Variants in CMSS1 observed in about 807,000 individuals in gnomAD.
The protein encoded by CMSS1 is cms1 ribosomal small subunit homolog, also known as protein CMSS1.
CMSS1 carries 33 observed loss-of-function variants against 43.5 expected under a neutral mutation model. The observed-to-expected ratio is 0.76, with a 90% CI of 0.57 to 1.01. The LOEUF (loss-of-function observed/expected upper bound fraction) is 1.01. CMSS1 is among the 50% of genes least tolerant of loss of function. CMSS1 has a pLI of 0.00. For missense variants in CMSS1, 313 were observed against 326.4 expected (o/e 0.96, Z 0.32); for synonymous variants, 115 against 117.2 (o/e 0.98, Z 0.12).
intron 1 of CMSS1, among the ~76,000 whole-genome samples, chr3:99,958,211 T>TTATTATTATTA (rs1352712948): frequency 7.7e-6 from 1 of 129,774 alleles, no homozygotes; most frequent in Non-Finnish European, 1.7e-5. Flanking sequence ...TGCATTATTA[T>TTATTATTATTA]TATTATTATT....
chr3:100,132,629 C>T (rs2066717796), intron 1 of CMSS1, among the ~76,000 whole-genome samples: 1 of 151,850 alleles, frequency 6.6e-6, no homozygotes, highest in Admixed American at 6.6e-5. Context: ...ACCATCCTGG[C>T]TAACATGGTG....
At chr3:99,971,333 C>A (rs76587792) in intron 1 of CMSS1, among the ~76,000 whole-genome samples, 466 of 121,272 alleles carry the variant, frequency 3.8e-3, no homozygotes, top group Middle Eastern at 8.5e-3. Context: ...GAGCCCATCT[C>A]AAAAAAAAAA....
intron 1 of CMSS1, among the ~76,000 whole-genome samples, chr3:100,117,869 A>ATATATG (rs2066588761): frequency 7.1e-6 from 1 of 141,824 alleles, no homozygotes; most frequent in Non-Finnish European, 1.5e-5. Context: ...ATATATATAT[A>ATATATG]TATATATATA....
intron 1 of CMSS1, among the ~76,000 whole-genome samples, chr3:99,928,009 T>G (rs929173851): frequency 4.6e-5 from 7 of 152,204 alleles, no homozygotes; most frequent in Non-Finnish European, 1.0e-4. Context: ...TTGAGATTTT[T>G]TAGGTTTTTC....
At chr3:99,940,067 G>A (rs747499065) in intron 1 of CMSS1, among the ~76,000 whole-genome samples, 1 of 152,166 alleles carries the variant, frequency 6.6e-6, no homozygotes, top group Non-Finnish European at 1.5e-5. Flanking sequence ...TCTTAGCTGT[G>A]TGTTGTGAAG....
At chr3:100,016,447 A>G (rs1288731428) in intron 1 of CMSS1, among the ~76,000 whole-genome samples, 7 of 152,138 alleles carry the variant, frequency 4.6e-5, no homozygotes, top group African/African-American at 1.7e-4. Flanking sequence ...CACCTCGGAA[A>G]GTGCTGGGAT....
chr3:100,064,961 G>A (rs2065639044), intron 1 of CMSS1, among the ~76,000 whole-genome samples: 2 of 152,158 alleles, frequency 1.3e-5, no homozygotes, highest in African/African-American at 4.8e-5. Context: ...ACTAACATAT[G>A]TTAAACACAC....
intron 1 of CMSS1, among the ~76,000 whole-genome samples, chr3:99,925,324 C>A (rs912690388): frequency 6.6e-5 from 10 of 152,168 alleles, no homozygotes; most frequent in Non-Finnish European, 8.8e-5. Context: ...AAATGATCAA[C>A]CTGTGGCTGA....
intron 1 of CMSS1, among the ~76,000 whole-genome samples, chr3:100,059,184 CT>C (rs1274993953): frequency 1.3e-5 from 2 of 152,196 alleles, no homozygotes; most frequent in Non-Finnish European, 2.9e-5. Flanking sequence ...AGTTGAAGAG[CT>C]TTGTTAGATA....
intron 1 of CMSS1, among the ~76,000 whole-genome samples, chr3:100,035,692 A>G (rs2065096396): frequency 6.6e-6 from 1 of 152,228 alleles, no homozygotes; most frequent in African/African-American, 2.4e-5. Context: ...ATTCTGATAT[A>G]GGGGTATTTC....
chr3:100,032,410 G>T (rs1434701282), intron 1 of CMSS1, among the ~76,000 whole-genome samples: 2 of 152,224 alleles, frequency 1.3e-5, no homozygotes, highest in Non-Finnish European at 2.9e-5. Context: ...CTTAGAGCTT[G>T]CCATAAGGTA....
rs115824987 is a variant in CMSS1 at position 99,875,948 on chromosome 3, G to T, written c.64+57905G>T. The T allele has an allele frequency of 5.0e-6, 3 of 605,646 alleles. No homozygotes were observed. The African/African-American group carries it at 6.0e-5, about 12-fold the overall frequency. 37.5% of individuals were successfully genotyped at this position (605,646 alleles called of 1,614,324 possible). A position where few individuals can be genotyped will look rare whatever the true frequency, so the allele number is the denominator to read the frequency against. On this transcript the variant is annotated intron_variant, in intron 1 of 9. Coordinates refer to ENST00000421999, the MANE Select transcript of CMSS1 (RefSeq NM_032359.4). Reference sequence around the variant, plus strand: ...TTTGAACCTAGAATTCATTGGATGCGCTTTGCGAAACCTGTCTGCAGTTTG... The same window carrying T: ...TTTGAACCTAGAATTCATTGGATGCTCTTTGCGAAACCTGTCTGCAGTTTG...
chr3:100,139,529 ATGTGTGTGTGTGTGTGTG>A (rs201315535), intron 1 of CMSS1, among the ~76,000 whole-genome samples: 2 of 129,354 alleles, frequency 1.5e-5, no homozygotes, highest in Non-Finnish European at 1.6e-5. Context: ...TAAAAAAAAA[ATGTGTGTGTGTGTGTGTG>A]TGTGTGTGTG....
chr3:100,139,529 A>ATG (rs201315535), intron 1 of CMSS1, among the ~76,000 whole-genome samples: 11,012 of 129,214 alleles, frequency 0.085, 613 homozygotes, highest in African/African-American at 0.17. Context: ...TAAAAAAAAA[A>ATG]TGTGTGTGTG....
At chr3:99,959,377 T>A (rs1484638494) in intron 1 of CMSS1, among the ~76,000 whole-genome samples, 1 of 152,240 alleles carries the variant, frequency 6.6e-6, no homozygotes, top group East Asian at 1.9e-4. Context: ...CTCGAACTCC[T>A]GTCCTCTTGT....
chr3:99,977,244 C>A (rs554757804), intron 1 of CMSS1, among the ~76,000 whole-genome samples: 1 of 152,106 alleles, frequency 6.6e-6, no homozygotes, highest in Non-Finnish European at 1.5e-5. Flanking sequence ...CACAGTGGAG[C>A]TGATGCCTCA....
At chr3:99,922,404 A>C (rs1707152518) in intron 1 of CMSS1, among the ~76,000 whole-genome samples, 1 of 152,180 alleles carries the variant, frequency 6.6e-6, no homozygotes, top group African/African-American at 2.4e-5. Context: ...TTCAGAGTTC[A>C]TGAGGAGCAA....
intron 8 of CMSS1, chr3:100,176,106 C>T (rs1013093059): frequency 1.2e-5 from 5 of 406,294 alleles, no homozygotes; most frequent in Non-Finnish European, 2.2e-5. Flanking sequence ...AGCAGTTTCT[C>T]TGCTTTCCTC....
chr3:99,905,215 G>T (rs1336501300), intron 1 of CMSS1, among the ~76,000 whole-genome samples: 3 of 152,098 alleles, frequency 2.0e-5, no homozygotes, highest in African/African-American at 7.2e-5. Context: ...TTCTCCCCTG[G>T]GACTATCATC....
Sources: gnomAD v4.1 joint callset for allele counts (sites outside exome capture counted in the v4.1 genomes callset) on GRCh38, gnomAD v4.1.1 for gene constraint, MANE v1.5 for transcripts, NCBI Gene and HGNC (gene_info 2026-07-23, HGNC 2026-07-21) for gene names.